EGFR: variants seen among roughly 807,000 people sequenced by gnomAD.
EGFR encodes the protein epidermal growth factor receptor, also known as avian erythroblastic leukemia viral (v-erb-b) oncogene homolog.
A neutral mutation model predicts 143.0 loss-of-function variants in EGFR; 58 were observed. The ratio of observed to expected loss-of-function variants is 0.41; its 90% CI spans 0.33 to 0.50. The LOEUF (loss-of-function observed/expected upper bound fraction) is 0.50. EGFR is among the 20% of genes least tolerant of loss of function. The pLI is 0.39. For synonymous variants in EGFR, 613 were observed against 594.4 expected (o/e 1.03, Z -0.45); for missense variants, 1,307 against 1,579.0 (o/e 0.83, Z 2.92).
intron 1 of EGFR, among the ~76,000 whole-genome samples, chr7:55,108,396 G>A (rs1257951999): frequency 6.6e-6 from 1 of 152,236 alleles, no homozygotes; most frequent in Non-Finnish European, 1.5e-5. Context: ...CTCTGTTGTC[G>A]AATGTGTGGG....
intron 1 of EGFR, among the ~76,000 whole-genome samples, chr7:55,026,417 C>T (rs555480878): frequency 3.9e-5 from 6 of 152,304 alleles, no homozygotes; most frequent in African/African-American, 1.4e-4. Context: ...CTCGACAGAG[C>T]AGGAGCATCG....
chr7:55,198,980 C>A, intron 23 of EGFR, 117 bp downstream of exon 23: 1 of 1,342,660 alleles, frequency 7.4e-7, no homozygotes, highest in East Asian at 2.4e-5. Flanking sequence ...TTAAGGCAGG[C>A]ACACAAATCC....
chr7:55,133,631 C>T (rs765291283), intron 1 of EGFR, among the ~76,000 whole-genome samples: 1 of 152,230 alleles, frequency 6.6e-6, no homozygotes, highest in Non-Finnish European at 1.5e-5. Flanking sequence ...CTCCGTCATC[C>T]CCACGTCCAC....
intron 15 of EGFR, among the ~76,000 whole-genome samples, chr7:55,169,465 C>A (rs79451959): frequency 0.016 from 2,407 of 152,120 alleles, 55 homozygotes; most frequent in African/African-American, 0.054. Context: ...GCTTTGAAAT[C>A]TTTATCCTAA....
At chr7:55,183,435 A>C (rs1786985161) in intron 20 of EGFR, among the ~76,000 whole-genome samples, 1 of 152,228 alleles carries the variant, frequency 6.6e-6, no homozygotes, top group Non-Finnish European at 1.5e-5. Context: ...ATTTCATTTC[A>C]AGACTTTTAA....
chr7:55,052,198 G>T (rs1020353779), intron 1 of EGFR, among the ~76,000 whole-genome samples: 3 of 152,158 alleles, frequency 2.0e-5, no homozygotes, highest in African/African-American at 7.2e-5. Flanking sequence ...CCTCTCCTGG[G>T]TATTCTGGGA....
chr7:55,179,337 A>T (rs974922641), intron 19 of EGFR, among the ~76,000 whole-genome samples: 1 of 152,254 alleles, frequency 6.6e-6, no homozygotes, highest in Admixed American at 6.5e-5. Flanking sequence ...GGCGGGACCC[A>T]AGAATGTGTG....
rs778638117 is a variant in EGFR, at chr7:55,142,423, C to A, written c.226C>A (p.Leu76Ile). 15 of 1,614,024 alleles carry A rather than the reference C, an allele frequency of 9.3e-6. No homozygotes were observed. The highest frequency in any genetic ancestry group is 1.2e-5 in the Non-Finnish European group (14 of 1,180,034). ...TACCTATGTGCAGAGGAATTATGAT[C>A]TTTCCTTCTTAAAGGTTGGTGACTT... Reference protein sequence around the residue: ...EITYVQRNYDLSFLKTIQEVA... With the variant: ...EITYVQRNYDISFLKTIQEVA... Residue 76 changes from leucine (L) to isoleucine (I), a missense_variant, in exon 2 of 28, where the codon CTT becomes ATT. Leu to Ile is a conservative substitution (Grantham distance 5, BLOSUM62 2). This residue lies in a region of EGFR where 311 missense variants were observed against 412.3 expected (regional missense o/e 0.75). Coordinates refer to ENST00000275493, the MANE Select transcript of EGFR (RefSeq NM_005228.5).
intron 13 of EGFR, among the ~76,000 whole-genome samples, chr7:55,161,968 G>A (rs17290061): frequency 0.014 from 2,105 of 152,272 alleles, 56 homozygotes; most frequent in African/African-American, 0.049. Context: ...AGCCAACACC[G>A]TGGCCATTTG....
rs184220351 is a variant in EGFR, at chr7:55,173,914, C to T, written c.2062-7C>T. The T allele has an allele frequency of 6.2e-7, 1 of 1,614,098 alleles. No individual in the cohort carries two copies. The highest frequency in any genetic ancestry group is 1.3e-5 in the African/African-American group (1 of 74,948). On this transcript the variant is annotated splice_region_variant and splice_polypyrimidine_tract_variant and intron_variant, in intron 17 of 27. Coordinates refer to ENST00000275493, the MANE Select transcript of EGFR (RefSeq NM_005228.5). ...GACCCTTGTCTCTGTGTTCTTGTCCCCCCCAGCTTGTGGAGCCTCTTACAC... is the reference window on the plus strand; with the variant it reads ...GACCCTTGTCTCTGTGTTCTTGTCCTCCCCAGCTTGTGGAGCCTCTTACAC...
At chr7:55,046,775 C>T (rs1788202592) in intron 1 of EGFR, among the ~76,000 whole-genome samples, 2 of 152,152 alleles carry the variant, frequency 1.3e-5, no homozygotes, top group African/African-American at 2.4e-5. Context: ...ACATTCAGAT[C>T]ACCTCTTAAG....
intron 1 of EGFR, among the ~76,000 whole-genome samples, chr7:55,093,234 A>G (rs935587081): frequency 6.6e-6 from 1 of 152,210 alleles, no homozygotes; most frequent in Non-Finnish European, 1.5e-5. Context: ...TGCACTTGTC[A>G]GTCATGTCCC....
At chr7:55,044,575 CCTGGAACAGAGCAGCA>C (rs1788083461) in intron 1 of EGFR, among the ~76,000 whole-genome samples, 1 of 152,196 alleles carries the variant, frequency 6.6e-6, no homozygotes, top group Admixed American at 6.5e-5. Flanking sequence ...TTACCAGAGT[CCTGGAACAGAGCAGCA>C]CACCTGCGGG....
intron 15 of EGFR, among the ~76,000 whole-genome samples, chr7:55,168,366 T>C (rs1043662317): frequency 9.2e-5 from 14 of 152,246 alleles, no homozygotes; most frequent in Non-Finnish European, 1.5e-4. Context: ...GTTGCTGGGC[T>C]TAGGGGAGGT....
chr7:55,022,355 T>C (rs59119563), intron 1 of EGFR, among the ~76,000 whole-genome samples: 23,686 of 152,064 alleles, frequency 0.16, 1,968 homozygotes, highest in African/African-American at 0.19. Flanking sequence ...GTCCGAGCTG[T>C]CTTAAAGAGA....
In EGFR at chr7:55,205,413, G is replaced by C; in HGVS notation, c.3429G>C (p.Gln1143His). 6.2e-7 allele frequency: 1 copy of C among 1,614,076 alleles called. No homozygotes were observed. The highest frequency in any genetic ancestry group is 8.5e-7 in the Non-Finnish European group (1 of 1,180,030). ...ACCCCGAGTATCTCAACACTGTCCA[G>C]CCCACCTGTGTCAACAGCACATTCG... is the stretch of plus-strand genomic sequence containing the variant. ...VGNPEYLNTV[Q>H]PTCVNSTFDS... Residue 1143 changes from glutamine (Q) to histidine (H), a missense_variant, in exon 28 of 28, where the codon CAG (glutamine) becomes CAC (histidine). Coordinates refer to ENST00000275493, the MANE Select transcript of EGFR (RefSeq NM_005228.5).
In EGFR at chr7:55,206,279, G is replaced by C. The variant is rs1788103592; in HGVS notation, c.*662G>C. ...GGAATTCTTCCTTAGACTTACTTTT[G>C]TAAAAATGTCCCCACGGTACTTACT... On this transcript the variant is annotated 3_prime_UTR_variant, in exon 28 of 28. Coordinates refer to ENST00000275493, the MANE Select transcript of EGFR (RefSeq NM_005228.5). 1 of 235,192 alleles carries C rather than the reference G, an allele frequency of 4.3e-6. No homozygotes were observed. Among genetic ancestry groups the C allele is most frequent in the Non-Finnish European group, 8.4e-6 (1 of 119,504 alleles). 14.6% of individuals were successfully genotyped at this position (235,192 alleles called of 1,614,324 possible).
chr7:55,118,445 C>G (rs1409134112), intron 1 of EGFR, among the ~76,000 whole-genome samples: 1 of 152,116 alleles, frequency 6.6e-6, no homozygotes, highest in Non-Finnish European at 1.5e-5. Flanking sequence ...AGGCACCATC[C>G]CAAAGACCAG....
intron 17 of EGFR, 126 bp from the exon 18 acceptor site, chr7:55,173,795 T>A (rs966290828): frequency 6.9e-7 from 1 of 1,458,466 alleles, no homozygotes; most frequent in Non-Finnish European, 9.6e-7. Context: ...AGCTGGCAAG[T>A]GCCGTGTCCT....
Sources: allele counts gnomAD v4.1 joint callset (sites outside exome capture counted in the v4.1 genomes callset), GRCh38; gene constraint gnomAD v4.1.1; regional missense constraint gnomAD v4.1.1; transcripts MANE v1.5; gene names NCBI Gene and HGNC (gene_info 2026-07-23, HGNC 2026-07-21).